Variants in DNM3 observed in about 807,000 individuals in gnomAD.
DNM3 encodes the protein dynamin 3.
In DNM3, 47 loss-of-function variants were observed where a neutral mutation model predicts 101.6. The ratio of observed to expected loss-of-function variants is 0.46; its 90% confidence interval spans 0.37 to 0.59. The LOEUF is 0.59. Among genes scored for constraint, DNM3 ranks in the 20% least tolerant of loss-of-function variants. The probability of loss-of-function intolerance (pLI) is 0.00; values close to 1 mark genes in which losing one functional copy is unlikely to be tolerated. For missense variants in DNM3, 849 were observed against 1,085.7 expected, an observed-to-expected ratio of 0.78 and a Z score of 3.06; for synonymous variants, 385 against 387.9, an observed-to-expected ratio of 0.99 and a Z score of 0.09.
Position 171,841,837 on chromosome 1 carries a change from A to T in DNM3, c.161+20A>T. 1 of 1,599,596 alleles carries T rather than the reference A, an allele frequency of 6.3e-7. No individual in the cohort carries two copies. On this transcript the variant is annotated intron_variant, in intron 1 of 20. Transcript: ENST00000627582. ...GGGCAGGTAAGCGCGCAGGGCGCGG[A>T]GTAAGGATGCGGCAGTGGGGCGACC...
intron 14 of DNM3, among the ~76,000 whole-genome samples, chr1:172,164,333 A>C (rs1047442035): frequency 8.8e-5 from 13 of 147,984 alleles, no homozygotes; most frequent in Non-Finnish European, 1.9e-4. Context: ...GGGTGCTATT[A>C]CTTAGTATTA....
intron 1 of DNM3, among the ~76,000 whole-genome samples, chr1:171,903,518 A>G (rs6690848): frequency 0.25 from 38,020 of 152,152 alleles, 5,498 homozygotes; most frequent in Admixed American, 0.33. Context: ...ATGTGATTCA[A>G]GTACACTGGG....
chr1:172,145,382 C>A (rs2057832819), intron 14 of DNM3, among the ~76,000 whole-genome samples: 1 of 150,744 alleles, frequency 6.6e-6, no homozygotes, highest in South Asian at 2.1e-4. Context: ...CTCTCCCTCC[C>A]TCCCTCCTTC....
At chr1:172,219,196 TA>T (rs1424231762) in intron 14 of DNM3, among the ~76,000 whole-genome samples, 1 of 150,706 alleles carries the variant, frequency 6.6e-6, no homozygotes, top group East Asian at 2.0e-4. Flanking sequence ...CTACAAAAAA[TA>T]AAAAATAAAA....
At chr1:171,853,250 A>G (rs2033187274) in intron 1 of DNM3, among the ~76,000 whole-genome samples, 1 of 151,956 alleles carries the variant, frequency 6.6e-6, no homozygotes, top group Non-Finnish European at 1.5e-5. Context: ...TGCAGCCTTG[A>G]TATCCCTGGC....
intron 2 of DNM3, among the ~76,000 whole-genome samples, chr1:171,957,113 A>G (rs538618312): frequency 2.0e-5 from 3 of 151,998 alleles, no homozygotes; most frequent in East Asian, 1.9e-4. Flanking sequence ...GGCAATTAAC[A>G]TTAGGCTCCT....
chr1:172,201,260 G>A (rs1157951207), intron 14 of DNM3, among the ~76,000 whole-genome samples: 5 of 152,118 alleles, frequency 3.3e-5, no homozygotes, highest in East Asian at 1.9e-4. Context: ...AGTTACAGCC[G>A]TGTTCTCTCT....
At chr1:172,255,017 G>A (rs758147076) in intron 15 of DNM3, among the ~76,000 whole-genome samples, 3 of 151,894 alleles carry the variant, frequency 2.0e-5, no homozygotes, top group Non-Finnish European at 4.4e-5. Flanking sequence ...ACTGGCCCAG[G>A]GTCAATCACA....
chr1:172,106,847 C>CTTTT lies in DNM3; in HGVS notation c.1545+13993_1545+13996dup, dbSNP rs1165611083. On this transcript the variant is annotated intron_variant, in intron 13 of 20. Coordinates refer to ENST00000627582, the MANE Select transcript of DNM3 (RefSeq NM_015569.5). ...TTATTCAATTTAAGGTAACATTATT[C>CTTTT]TTTTTTTTTTTTTTTTTTTTTTTTG... Among the ~76,000 whole-genome samples the CTTTT allele has an allele frequency of 6.5e-4, 44 of 67,964 alleles. 2 individuals are homozygous for CTTTT. Among genetic ancestry groups the CTTTT allele is most frequent in the East Asian group, 1.0e-3 (2 of 1,906 alleles). The allele number at this position is 67,964 out of a possible 152,430, so 44.6% of individuals were successfully genotyped here. A position where few individuals can be genotyped will look rare whatever the true frequency, so the allele number is the denominator to read the frequency against.
chr1:172,148,669 T>A (rs1271731528), intron 14 of DNM3, among the ~76,000 whole-genome samples: 1 of 152,116 alleles, frequency 6.6e-6, no homozygotes, highest in Admixed American at 6.6e-5. Context: ...TCTTGTTGTT[T>A]TCTCCTTCCC....
At chr1:172,041,019 A>T (rs1406467568) in intron 7 of DNM3, among the ~76,000 whole-genome samples, 1 of 152,090 alleles carries the variant, frequency 6.6e-6, no homozygotes, top group African/African-American at 2.4e-5. Context: ...GTATTATCGA[A>T]TTGTGGGGAT....
chr1:172,134,879 G>A (rs1443648653), intron 14 of DNM3, among the ~76,000 whole-genome samples: 1 of 152,128 alleles, frequency 6.6e-6, no homozygotes, highest in Non-Finnish European at 1.5e-5. Context: ...TAAGTCCAGT[G>A]TGACTGGAGC....
At chr1:171,902,584 G>T (rs750608567) in intron 1 of DNM3, among the ~76,000 whole-genome samples, 22 of 151,840 alleles carry the variant, frequency 1.4e-4, no homozygotes, top group Non-Finnish European at 2.4e-4. Flanking sequence ...CAAAAGGAGG[G>T]AGTATTTTTT....
At position 172,031,964 on chromosome 1, in the gene DNM3, T is replaced by C. The variant is rs145528235; in HGVS notation, c.590-438T>C. Among the ~76,000 whole-genome samples, 493 of 152,306 alleles carry C rather than the reference T, an allele frequency of 3.2e-3. 2 individuals carry two copies. The highest frequency in any genetic ancestry group is 0.011 in the African/African-American group (465 of 41,574). On this transcript the variant is annotated intron_variant, in intron 4 of 20. Transcript: ENST00000627582. Reference sequence around the variant, plus strand: ...GTGACTAGAACTGGATCAATAGTAATCCTTGGTTTATGACGCACTCTCATC... The same window carrying C: ...GTGACTAGAACTGGATCAATAGTAACCCTTGGTTTATGACGCACTCTCATC...
chr1:172,332,164 C>A (rs1029731457), intron 17 of DNM3, among the ~76,000 whole-genome samples: 1 of 152,172 alleles, frequency 6.6e-6, no homozygotes, highest in African/African-American at 2.4e-5. Context: ...GCCTAGTACA[C>A]ATGAGTTTCT....
rs1312371677 is a variant in DNM3 at position 172,404,831 on chromosome 1, A to G, written c.2523-2941A>G. ...AGTACTATAATAAAGCTACTTTCATATTTGTTTTATTCCACTCATCTTCCA... is the reference window on the plus strand; with the variant it reads ...AGTACTATAATAAAGCTACTTTCATGTTTGTTTTATTCCACTCATCTTCCA... On this transcript the variant is annotated intron_variant, in intron 20 of 20. Transcript: ENST00000627582. Among the ~76,000 whole-genome samples the G allele has an allele frequency of 2.6e-5, 4 of 152,066 alleles. No individual in the cohort carries two copies. The South Asian group carries it at 8.3e-4, about 31-fold the overall frequency.
chr1:172,304,752 T>TG (rs1385128373), intron 15 of DNM3, among the ~76,000 whole-genome samples: 5 of 152,046 alleles, frequency 3.3e-5, no homozygotes, highest in Non-Finnish European at 7.4e-5. Flanking sequence ...CTCAACTACA[T>TG]GAAACTGAAC....
chr1:172,220,195 G>A (rs779423530), intron 14 of DNM3, among the ~76,000 whole-genome samples: 1 of 152,164 alleles, frequency 6.6e-6, no homozygotes, highest in African/African-American at 2.4e-5. Flanking sequence ...TTTGGCAGCT[G>A]TAGCAGCTGT....
At chr1:171,843,837 A>G (rs1009197299) in intron 1 of DNM3, among the ~76,000 whole-genome samples, 1 of 152,200 alleles carries the variant, frequency 6.6e-6, no homozygotes, top group Non-Finnish European at 1.5e-5. Context: ...TTCAAGATGG[A>G]ATAAAAAATA....
Sources: allele counts gnomAD v4.1 joint callset (sites outside exome capture counted in the v4.1 genomes callset), GRCh38; gene constraint gnomAD v4.1.1; transcripts MANE v1.5; gene names NCBI Gene and HGNC (gene_info 2026-07-23, HGNC 2026-07-21).